Variants in OSMR observed in about 807,000 individuals in gnomAD.
The protein encoded by OSMR is oncostatin-M-specific receptor subunit beta.
A neutral mutation model predicts 99.9 loss-of-function variants in OSMR; 81 were observed. That is an observed-to-expected ratio of 0.81 (90% CI 0.68 to 0.97). OSMR has a LOEUF of 0.97. OSMR is among the 50% of genes least tolerant of loss of function. The pLI, the probability that OSMR is intolerant of heterozygous loss-of-function variation, is 0.00. For synonymous variants in OSMR, 406 were observed against 410.4 expected, an observed-to-expected ratio of 0.99 and a Z score of 0.13; for missense variants, 1,099 against 1,153.4, an observed-to-expected ratio of 0.95 and a Z score of 0.68.
At position 38,930,945 on chromosome 5, in the gene OSMR, TG is replaced by T. The variant is rs1456439951; in HGVS notation, c.2213-937del. 5.7e-3 allele frequency among the ~76,000 whole-genome samples: 870 copies of T among 151,710 alleles called. 6 individuals are homozygous for T. Among genetic ancestry groups the T allele is most frequent in the Non-Finnish European group, 8.7e-3 (588 of 67,808 alleles). On this transcript the variant is annotated intron_variant, in intron 15 of 17. Coordinates refer to ENST00000274276, the MANE Select transcript of OSMR (RefSeq NM_003999.3). The stretch of plus-strand genomic sequence containing the variant: ...TTGTGTGTGTGTGTGTGTGTGTGTG[TG>T]TGTGTGTGTGTGTGTGTGTAAGGTT...
At chr5:38,884,394 TG>T (rs1743543269) in intron 5 of OSMR, among the ~76,000 whole-genome samples, 1 of 152,200 alleles carries the variant, frequency 6.6e-6, no homozygotes. Context: ...TACCCTTTTT[TG>T]CCCAGCCATG....
intron 2 of OSMR, chr5:38,944,918 A>G: frequency 6.2e-7 from 1 of 1,613,760 alleles, no homozygotes; most frequent in Non-Finnish European, 8.5e-7. Context: ...CTCACCTAGT[A>G]ACAATTCTGT....
At chr5:38,891,227 A>C (rs144919744) in intron 7 of OSMR, among the ~76,000 whole-genome samples, 200 of 152,310 alleles carry the variant, frequency 1.3e-3, no homozygotes, top group African/African-American at 3.5e-3. Flanking sequence ...GTGCAGAGCA[A>C]ACAGAATATT....
Position 38,925,191 on chromosome 5 carries a change from T to C in OSMR, c.2045-13T>C, listed in dbSNP as rs1746417144. 1.2e-6 allele frequency: 2 copies of C among 1,613,528 alleles called. No individual in the cohort carries two copies. Among genetic ancestry groups the C allele is most frequent in the Admixed American group, 1.7e-5 (1 of 59,880 alleles). ...TTTTTTCCTTGAAAAAAAAACCATT[T>C]AAAAAATCACAGATGGTTCAGAATG... On this transcript the variant is annotated splice_polypyrimidine_tract_variant and intron_variant, in intron 14 of 17. Transcript: ENST00000274276.
intron 1 of OSMR, among the ~76,000 whole-genome samples, chr5:38,868,571 T>C (rs958466009): frequency 1.3e-5 from 2 of 152,220 alleles, no homozygotes; most frequent in Non-Finnish European, 2.9e-5. Context: ...TCATTTTCTC[T>C]TGCTGCTGCC....
At chr5:38,890,602 CTTTT>C (rs58375870) in intron 7 of OSMR, among the ~76,000 whole-genome samples, 6 of 140,152 alleles carry the variant, frequency 4.3e-5, no homozygotes, top group East Asian at 6.1e-4. Flanking sequence ...AAAGCCCCCT[CTTTT>C]TTTTTTTTTT....
intron 1 of OSMR, among the ~76,000 whole-genome samples, chr5:38,851,131 A>G (rs1740315195): frequency 6.6e-6 from 1 of 152,220 alleles, no homozygotes; most frequent in Non-Finnish European, 1.5e-5. Flanking sequence ...GTTGGGATAT[A>G]TGGTTTCAAG....
At chr5:38,899,309 G>A (rs921802368) in intron 7 of OSMR, among the ~76,000 whole-genome samples, 13 of 152,000 alleles carry the variant, frequency 8.6e-5, no homozygotes, top group African/African-American at 3.1e-4. Flanking sequence ...GCCAGGCCTG[G>A]GACTCACCTT....
At chr5:38,904,261 C>T (rs1239334) in intron 8 of OSMR, 92 bp from the exon 9 acceptor site, 979,327 of 1,548,506 alleles carry the variant, frequency 0.63, 311,358 homozygotes, top group African/African-American at 0.69. Context: ...ATTTGCTGTG[C>T]TCTGGTTTGC....
intron 2 of OSMR, among the ~76,000 whole-genome samples, chr5:38,872,840 TG>T (rs1742497607): frequency 6.6e-6 from 1 of 152,170 alleles, no homozygotes; most frequent in Admixed American, 6.5e-5. Flanking sequence ...AAAAAGCGCA[TG>T]GGAAAATCCA....
chr5:38,855,455 A>T (rs62354703), intron 1 of OSMR, among the ~76,000 whole-genome samples: 1 of 151,944 alleles, frequency 6.6e-6, no homozygotes, highest in African/African-American at 2.4e-5. Flanking sequence ...ATTGATACAG[A>T]CCACCAGGTG....
At position 38,886,078 on chromosome 5, in the gene OSMR, G is replaced by C. The variant is rs1367655244; in HGVS notation, c.879G>C (p.Trp293Cys). The C allele has an allele frequency of 6.2e-7, 1 of 1,613,446 alleles. No homozygotes were observed. The highest frequency in any genetic ancestry group is 8.5e-7 in the Non-Finnish European group (1 of 1,179,864). ...AGAAACTTTGTACACACAAAAACTG[G>C]TGTAATTGGCAAATAACTCAAGACT... The part of the protein sequence containing the change: ...GEKKLCTHKN[W>C]CNWQITQDSQ... The change falls in exon 7 of 18, where the codon TGG (tryptophan) becomes TGC (cysteine). Residue 293 changes from tryptophan to cysteine, a missense_variant. Coordinates refer to ENST00000274276, the MANE Select transcript of OSMR (RefSeq NM_003999.3).
chr5:38,932,763 A>G, intron 17 of OSMR, 109 bp from the exon 18 acceptor site: 2 of 1,548,534 alleles, frequency 1.3e-6, no homozygotes, highest in Non-Finnish European at 1.7e-6. Context: ...CCAGGAAGAA[A>G]CATGAAGAAC....
In OSMR at chr5:38,887,960, G is replaced by A. The variant is rs553520719; in HGVS notation, c.991+1770G>A. Among the ~76,000 whole-genome samples, 26 of 152,056 alleles carry A rather than the reference G, an allele frequency of 1.7e-4. No homozygotes were observed. The South Asian group carries it at 4.4e-3, about 26-fold the overall frequency. On this transcript the variant is annotated intron_variant, in intron 7 of 17. Coordinates refer to ENST00000274276, the MANE Select transcript of OSMR (RefSeq NM_003999.3). The stretch of plus-strand genomic sequence containing the variant: ...GAGGAACATCAGGGTTCTTCGTTTC[G>A]CGCCGGTTTGGATAAAACGACACAG...
chr5:38,933,015 C>T lies in OSMR; in HGVS notation c.2511C>T (p.Tyr837=). The change falls in exon 18 of 18, where the codon TAC becomes TAT. Residue 837 remains tyrosine, a synonymous_variant. Transcript: ENST00000274276. ...LTETELTKPN[Y]LYLLPTEKNH... ...AAACCGAGTTGACTAAGCCTAACTA[C>T]CTTTATCTCCTTCCAACAGAAAAGA... 6 of 1,614,146 alleles carry T rather than the reference C, an allele frequency of 3.7e-6. No individual in the cohort carries two copies. The highest frequency in any genetic ancestry group is 5.1e-6 in the Non-Finnish European group (6 of 1,179,998).
At chr5:38,931,575 A>G (rs560905488) in intron 15 of OSMR, among the ~76,000 whole-genome samples, 3 of 152,336 alleles carry the variant, frequency 2.0e-5, no homozygotes, top group Admixed American at 2.0e-4. Context: ...CTCACCTACC[A>G]TGAAGTTTTG....
At chr5:38,932,433 A>T in intron 16 of OSMR, 30 bp from the exon 17 acceptor site, 1 of 1,507,522 alleles carries the variant, frequency 6.6e-7, no homozygotes, top group Non-Finnish European at 9.2e-7. Context: ...GTACTGTGAA[A>T]TTCAGTCTCA....
intron 12 of OSMR, among the ~76,000 whole-genome samples, 187 bp downstream of exon 12, chr5:38,921,981 C>CT (rs949163660): frequency 6.6e-6 from 1 of 152,172 alleles, no homozygotes; most frequent in African/African-American, 2.4e-5. Context: ...TTTAAATCTA[C>CT]TTTTGCAGAG....
At chr5:38,881,795 A>G in intron 4 of OSMR, 31 bp downstream of exon 4, 2 of 1,569,730 alleles carry the variant, frequency 1.3e-6, no homozygotes, top group African/African-American at 1.3e-5. Flanking sequence ...AAGAGTGAAA[A>G]GGGTTAATAT....
Sources: allele counts gnomAD v4.1 joint callset (sites outside exome capture counted in the v4.1 genomes callset), GRCh38; gene constraint gnomAD v4.1.1; transcripts MANE v1.5; gene names NCBI Gene and HGNC (gene_info 2026-07-23, HGNC 2026-07-21).